The following GATAD2A variants were observed in gnomAD, a reference collection of about 807,000 sequenced individuals.
The protein encoded by GATAD2A is GATA zinc finger domain containing 2A.
Under a neutral mutation model 68.5 loss-of-function variants are expected in GATAD2A, and 12 were observed. That is an observed-to-expected ratio of 0.18 (90% CI 0.11 to 0.28). The LOEUF (loss-of-function observed/expected upper bound fraction) is 0.28, where lower values mean the gene tolerates loss of function less well. GATAD2A is among the 10% of genes least tolerant of loss of function. GATAD2A has a pLI of 1.00. For missense variants in GATAD2A, 755 were observed against 868.5 expected (o/e 0.87, Z 1.64); for synonymous variants, 410 against 375.3 (o/e 1.09, Z -1.07).
chr19:19,443,886 T>C (rs756709598), intron 1 of GATAD2A, among the ~76,000 whole-genome samples: 1 of 151,828 alleles, frequency 6.6e-6, no homozygotes, highest in Non-Finnish European at 1.5e-5. Flanking sequence ...CAGAAAACCA[T>C]GAGCAGAGAC....
rs1389101656 is a variant in GATAD2A, at chr19:19,501,118, C to T, written c.1205C>T (p.Ala402Val). 6 of 1,606,762 alleles carry T rather than the reference C, an allele frequency of 3.7e-6. No individual in the cohort carries two copies. The highest frequency in any genetic ancestry group is 5.1e-6 in the Non-Finnish European group (6 of 1,174,872). Residue 402 changes from alanine (A) to valine (V), a missense_variant and splice_region_variant, in exon 9 of 12, where the codon GCA becomes GTA. By Grantham distance (64) the Ala-to-Val change is moderately conservative (BLOSUM62 0). Transcript: ENST00000683918. Reference protein sequence around the residue: ...EVVQNLLETQAGRMSAATVLS... With the variant: ...EVVQNLLETQVGRMSAATVLS... ...TGAGCCATGTGCTGTCTGCTTGCAGCAGGCAGGATGTCGGCCGCCACTGTG... is the reference window on the plus strand; with the variant it reads ...TGAGCCATGTGCTGTCTGCTTGCAGTAGGCAGGATGTCGGCCGCCACTGTG...
intron 1 of GATAD2A, among the ~76,000 whole-genome samples, chr19:19,434,234 C>T (rs1030273314): frequency 6.6e-6 from 1 of 152,150 alleles, no homozygotes; most frequent in Non-Finnish European, 1.5e-5. Flanking sequence ...CTTGATCCTG[C>T]AGCAGAACAG....
At chr19:19,489,828 C>T (rs2059667194) in intron 2 of GATAD2A, among the ~76,000 whole-genome samples, 2 of 152,236 alleles carry the variant, frequency 1.3e-5, no homozygotes, top group African/African-American at 4.8e-5. Flanking sequence ...TGCCTTGGCC[C>T]CCTGCTCCCC....
chr19:19,465,243 G>A (rs1300337398), intron 1 of GATAD2A, 97 bp from the exon 2 acceptor site: 2 of 904,202 alleles, frequency 2.2e-6, no homozygotes, highest in Middle Eastern at 2.2e-4. Flanking sequence ...CCTTCCCATA[G>A]GGAGGAAAAC....
In GATAD2A at chr19:19,502,347, C is replaced by T. The variant is rs2060590221; in HGVS notation, c.1595C>T (p.Ser532Phe). 2 of 1,611,916 alleles carry T rather than the reference C, an allele frequency of 1.2e-6. No homozygotes were observed. Among genetic ancestry groups the T allele is most frequent in the Non-Finnish European group, 8.5e-7 (1 of 1,178,940 alleles). Residue 532 changes from serine to phenylalanine, a missense_variant, in exon 11 of 12, where the codon TCC becomes TTC. By Grantham distance (155) the Ser-to-Phe change is radical (BLOSUM62 -2). Coordinates refer to ENST00000683918, the MANE Select transcript of GATAD2A (RefSeq NM_001384528.1). ...GAVLQASSQL[S>F]RGSATTPRGV... is the part of the protein sequence containing the mutation. ...CCACTGCAGGCCTCCAGCCAGCTGT[C>T]CCGGGGTTCGGCCACGACGCCCCGA...
At chr19:19,433,066 A>G (rs1389274466) in intron 1 of GATAD2A, among the ~76,000 whole-genome samples, 1 of 152,136 alleles carries the variant, frequency 6.6e-6, no homozygotes, top group African/African-American at 2.4e-5. Context: ...GGGAGAATGG[A>G]TTTGCCACAA....
intron 1 of GATAD2A, among the ~76,000 whole-genome samples, chr19:19,386,406 CCT>C (rs2048423298): frequency 6.6e-6 from 1 of 151,918 alleles, no homozygotes; most frequent in Admixed American, 6.5e-5. Context: ...GAGACCCTTG[CCT>C]CTCTAGGGGA....
chr19:19,473,666 G>A (rs1668658751), intron 2 of GATAD2A, among the ~76,000 whole-genome samples: 2 of 151,966 alleles, frequency 1.3e-5, no homozygotes, highest in Admixed American at 1.3e-4. Flanking sequence ...GGCCAGGCGC[G>A]GTGGCTCACG....
intron 8 of GATAD2A, among the ~76,000 whole-genome samples, 176 bp downstream of exon 8, chr19:19,498,898 C>T (rs534656406): frequency 1.5e-4 from 23 of 152,234 alleles, no homozygotes; most frequent in Admixed American, 6.5e-4. Context: ...CACTGTCCTC[C>T]GGTTGGGGCC....
At chr19:19,455,684 A>G (rs2056859677) in intron 1 of GATAD2A, among the ~76,000 whole-genome samples, 1 of 152,174 alleles carries the variant, frequency 6.6e-6, no homozygotes, top group African/African-American at 2.4e-5. Context: ...ATACTACACC[A>G]TTTTATATCT....
chr19:19,395,183 G>A (rs943222470), intron 1 of GATAD2A, among the ~76,000 whole-genome samples: 11 of 152,202 alleles, frequency 7.2e-5, no homozygotes, highest in African/African-American at 2.7e-4. Flanking sequence ...GGCCGGGCGC[G>A]GTGGCTCACG....
At chr19:19,449,807 A>G (rs1446567897) in intron 1 of GATAD2A, among the ~76,000 whole-genome samples, 1 of 152,216 alleles carries the variant, frequency 6.6e-6, no homozygotes, top group African/African-American at 2.4e-5. Flanking sequence ...AAAACTTAAT[A>G]AATTGATTTT....
intron 1 of GATAD2A, among the ~76,000 whole-genome samples, chr19:19,413,527 A>T (rs1474476644): frequency 6.6e-6 from 1 of 151,914 alleles, no homozygotes; most frequent in Non-Finnish European, 1.5e-5. Flanking sequence ...CTCCTTTCCT[A>T]GGGTTCTCTT....
At chr19:19,412,968 C>T (rs2051142760) in intron 1 of GATAD2A, among the ~76,000 whole-genome samples, 1 of 152,192 alleles carries the variant, frequency 6.6e-6, no homozygotes, top group Admixed American at 6.5e-5. Flanking sequence ...AACAGTTTCT[C>T]CTGAACACAG....
chr19:19,506,312 A>G lies in GATAD2A; in HGVS notation c.*838A>G, dbSNP rs559451468. Reference sequence around the variant, plus strand: ...TTCCAGAAGCTGCCCATTAAGGGAGAAGGAGAGGATCCGGTCGGCAGCAGC... The same window carrying G: ...TTCCAGAAGCTGCCCATTAAGGGAGGAGGAGAGGATCCGGTCGGCAGCAGC... On this transcript the variant is annotated 3_prime_UTR_variant, in exon 12 of 12. Transcript: ENST00000683918. 5.3e-5 allele frequency: 21 copies of G among 397,848 alleles called. No individual in the cohort carries two copies. In the East Asian group the frequency reaches 7.1e-4, roughly 14 times the overall value. The allele number at this position is 397,848 out of a possible 1,614,324, so 24.6% of individuals were successfully genotyped here. A position where few individuals can be genotyped will look rare whatever the true frequency, so the allele number is the denominator to read the frequency against.
chr19:19,503,737 AAAAT>A (rs1219988190), intron 11 of GATAD2A, among the ~76,000 whole-genome samples: 3 of 152,114 alleles, frequency 2.0e-5, no homozygotes, highest in Non-Finnish European at 4.4e-5. Flanking sequence ...GATTAGAGGG[AAAAT>A]AAATAGTTGA....
intron 2 of GATAD2A, among the ~76,000 whole-genome samples, chr19:19,468,153 G>A (rs1568313082): frequency 6.6e-6 from 1 of 152,266 alleles, no homozygotes. Flanking sequence ...AGAACAGTGA[G>A]ACTGTATGGC....
intron 1 of GATAD2A, among the ~76,000 whole-genome samples, chr19:19,413,535 C>T (rs185091952): frequency 6.6e-6 from 1 of 152,060 alleles, no homozygotes; most frequent in Non-Finnish European, 1.5e-5. Context: ...CTAGGGTTCT[C>T]TTATAGCCAC....
chr19:19,415,086 GC>G (rs1374247181), intron 1 of GATAD2A, among the ~76,000 whole-genome samples: 1 of 92,882 alleles, frequency 1.1e-5, no homozygotes, highest in East Asian at 2.7e-4. Flanking sequence ...ACCTGCCCCC[GC>G]CCCCCTCCCC....
Sources: gnomAD v4.1 joint callset for allele counts (sites outside exome capture counted in the v4.1 genomes callset) on GRCh38, gnomAD v4.1.1 for gene constraint, MANE v1.5 for transcripts, NCBI Gene and HGNC (gene_info 2026-07-23, HGNC 2026-07-21) for gene names.